PRKAR2B: variants seen among roughly 807,000 people sequenced by gnomAD.
PRKAR2B encodes cAMP-dependent protein kinase type II-beta regulatory subunit.
In PRKAR2B, 14 loss-of-function variants were observed where a neutral mutation model predicts 49.9. The ratio of observed to expected loss-of-function variants is 0.28; its 90% CI spans 0.19 to 0.44. The LOEUF (loss-of-function observed/expected upper bound fraction) is 0.44. PRKAR2B is among the 20% of genes least tolerant of loss of function. PRKAR2B has a pLI of 1.00. For synonymous variants in PRKAR2B, 196 were observed against 197.7 expected, an observed-to-expected ratio of 0.99 and a Z score of 0.07; for missense variants, 393 against 537.9, an observed-to-expected ratio of 0.73 and a Z score of 2.67.
rs1584432203 is a variant in PRKAR2B, at chr7:107,106,973, AG to A, written c.344-14975del. Among the ~76,000 whole-genome samples the A allele has an allele frequency of 2.0e-5, 3 of 152,182 alleles. No individual in the cohort carries two copies. The East Asian group carries it at 5.8e-4, about 29-fold the overall frequency. On this transcript the variant is annotated intron_variant, in intron 2 of 10. Transcript: ENST00000265717. Reference sequence around the variant, plus strand: ...AAAATGCCATAAAAGCCTGCACATAAGGGGCCTCTCCTCATTTTTCCTCCTT... The same window carrying A: ...AAAATGCCATAAAAGCCTGCACATAAGGGCCTCTCCTCATTTTTCCTCCTT...
In PRKAR2B at chr7:107,045,139, G is replaced by A; in HGVS notation, c.232G>A (p.Glu78Lys). The A allele has an allele frequency of 6.6e-7, 1 of 1,520,616 alleles. No individual in the cohort carries two copies. Among genetic ancestry groups the A allele is most frequent in the Non-Finnish European group, 8.8e-7 (1 of 1,136,758 alleles). 94.2% of individuals were successfully genotyped at this position (1,520,616 alleles called of 1,614,324 possible). A position where few individuals can be genotyped will look rare whatever the true frequency, so the allele number is the denominator to read the frequency against. Residue 78 changes from glutamate to lysine, a missense_variant, in exon 1 of 11, where the codon GAG becomes AAG. Physicochemically the swap from Glu to Lys is moderately conservative, Grantham distance 56. This residue lies in a region of PRKAR2B where 160 missense variants were observed against 147.6 expected (regional missense o/e 1.08). Transcript: ENST00000265717. ...CCCCAGCAAGGGGGTCAACTTCGCC[G>A]AGGAGCCCATGCAGTCCGACTCCGA... ...GTPSKGVNFA[E>K]EPMQSDSEDG...
At chr7:107,151,984 T>C (rs1795996636) in intron 7 of PRKAR2B, among the ~76,000 whole-genome samples, 1 of 152,214 alleles carries the variant, frequency 6.6e-6, no homozygotes, top group Non-Finnish European at 1.5e-5. Context: ...GACTTACTTA[T>C]CCAACTGCAA....
intron 6 of PRKAR2B, among the ~76,000 whole-genome samples, chr7:107,147,526 T>G (rs1795915405): frequency 6.6e-6 from 1 of 152,234 alleles, no homozygotes; most frequent in Admixed American, 6.5e-5. Flanking sequence ...GGATTGTATT[T>G]AAGGTAGTGA....
intron 1 of PRKAR2B, among the ~76,000 whole-genome samples, chr7:107,060,067 T>TA (rs397749634): frequency 5.3e-5 from 8 of 152,118 alleles, no homozygotes; most frequent in East Asian, 1.9e-4. Flanking sequence ...ATAGTTTTTT[T>TA]AATCAAAATA....
intron 2 of PRKAR2B, among the ~76,000 whole-genome samples, chr7:107,075,743 C>G (rs547931121): frequency 1.9e-4 from 29 of 152,230 alleles, no homozygotes; most frequent in African/African-American, 6.7e-4. Flanking sequence ...TCGCTCTCAG[C>G]CTTCTTCTTA....
In PRKAR2B at chr7:107,058,871, C is replaced by G. The variant is rs183473943; in HGVS notation, c.308-11410C>G. Among the ~76,000 whole-genome samples, 228 of 152,212 alleles carry G rather than the reference C, an allele frequency of 1.5e-3. 1 individual carries two copies. The highest frequency in any genetic ancestry group is 5.3e-3 in the African/African-American group (222 of 41,548). Reference sequence around the variant, plus strand: ...CTGAGTAGAGCAGAATTTTTTTTCTCTTTTACTTGTTGTGACGTATTTTCA... The same window carrying G: ...CTGAGTAGAGCAGAATTTTTTTTCTGTTTTACTTGTTGTGACGTATTTTCA... On this transcript the variant is annotated intron_variant, in intron 1 of 10. Coordinates refer to ENST00000265717, the MANE Select transcript of PRKAR2B (RefSeq NM_002736.3).
chr7:107,150,001 AAAAAT>A (rs1304616196), intron 6 of PRKAR2B, among the ~76,000 whole-genome samples: 1 of 152,146 alleles, frequency 6.6e-6, no homozygotes, highest in African/African-American at 2.4e-5. Context: ...CACAAAAATT[AAAAAT>A]AAAAGTAAAA....
In PRKAR2B at chr7:107,146,295, A is replaced by G. The variant is rs768483880; in HGVS notation, c.588-13A>G. The G allele has an allele frequency of 8.7e-6, 14 of 1,611,050 alleles. No individual in the cohort carries two copies. The highest frequency in any genetic ancestry group is 1.6e-4 in the Middle Eastern group (1 of 6,072). On this transcript the variant is annotated splice_polypyrimidine_tract_variant and intron_variant, in intron 5 of 10. Coordinates refer to ENST00000265717, the MANE Select transcript of PRKAR2B (RefSeq NM_002736.3). ...TTATTTGAATTAACCTCCAATCTAC[A>G]TATGTCCAACAGAGGCACATTTGAT... is the stretch of plus-strand genomic sequence containing the variant.
chr7:107,157,412 G>A, intron 10 of PRKAR2B, 88 bp downstream of exon 10: 1 of 1,434,986 alleles, frequency 7.0e-7, no homozygotes. Context: ...ATTTTATTGG[G>A]TTCACAGGTT....
At chr7:107,143,604 A>G (rs919189621) in intron 5 of PRKAR2B, among the ~76,000 whole-genome samples, 4 of 152,206 alleles carry the variant, frequency 2.6e-5, no homozygotes, top group Admixed American at 6.5e-5. Flanking sequence ...GTGTGAATAC[A>G]AGTAAAAAAT....
intron 1 of PRKAR2B, among the ~76,000 whole-genome samples, chr7:107,048,177 TA>T (rs552889172): frequency 7.2e-4 from 110 of 152,318 alleles, no homozygotes; most frequent in Non-Finnish European, 1.2e-3. Context: ...GGGGCTAGCA[TA>T]ACCTGAGTAT....
chr7:107,059,919 T>C (rs1018716348), intron 1 of PRKAR2B, among the ~76,000 whole-genome samples: 2 of 152,036 alleles, frequency 1.3e-5, no homozygotes, highest in African/African-American at 4.8e-5. Context: ...TTCCAGAGGG[T>C]ATATGATGTA....
chr7:107,128,387 G>A (rs1795536567), intron 4 of PRKAR2B, 92 bp downstream of exon 4: 4 of 901,646 alleles, frequency 4.4e-6, no homozygotes, highest in African/African-American at 1.8e-5. Context: ...TGCCCTCTTT[G>A]TAAGCTGATC....
chr7:107,134,733 A>G (rs758648722), intron 4 of PRKAR2B, among the ~76,000 whole-genome samples: 9 of 152,194 alleles, frequency 5.9e-5, no homozygotes, highest in Non-Finnish European at 1.2e-4. Context: ...AAGACCATTC[A>G]ATAGAAAAAG....
chr7:107,056,707 T>A (rs2116754712), intron 1 of PRKAR2B, among the ~76,000 whole-genome samples: 1 of 152,328 alleles, frequency 6.6e-6, no homozygotes, highest in South Asian at 2.1e-4. Context: ...CTTAAGGACA[T>A]TTTGGGCTGA....
chr7:107,091,190 C>T (rs571314713), intron 2 of PRKAR2B, among the ~76,000 whole-genome samples: 5 of 152,116 alleles, frequency 3.3e-5, no homozygotes, highest in African/African-American at 9.6e-5. Context: ...CAAAAAGGAT[C>T]GTTTTTGGAA....
chr7:107,131,811 C>A (rs1389013005), intron 4 of PRKAR2B, among the ~76,000 whole-genome samples: 1 of 152,150 alleles, frequency 6.6e-6, no homozygotes, highest in African/African-American at 2.4e-5. Context: ...AAGTAGCTTT[C>A]TAGTTTTTTA....
At chr7:107,145,733 ATTTTTTTTTTTTT>A (rs916332834) in intron 5 of PRKAR2B, among the ~76,000 whole-genome samples, 1 of 93,438 alleles carries the variant, frequency 1.1e-5, no homozygotes, top group African/African-American at 4.7e-5. Flanking sequence ...TCTTCAGATG[ATTTTTTTTTTTTT>A]TTTTTTTTTT....
chr7:107,101,135 A>ATTTT (rs950761298), intron 2 of PRKAR2B, among the ~76,000 whole-genome samples: 1,127 of 94,640 alleles, frequency 0.012, no homozygotes, highest in African/African-American at 0.014. Context: ...GTTGTTGCTT[A>ATTTT]TTTTTTTTTT....
Sources: allele counts gnomAD v4.1 joint callset (sites outside exome capture counted in the v4.1 genomes callset), GRCh38; gene constraint gnomAD v4.1.1; regional missense constraint gnomAD v4.1.1; transcripts MANE v1.5; gene names NCBI Gene and HGNC (gene_info 2026-07-23, HGNC 2026-07-21).